Variants in CRB1 observed in about 807,000 individuals in gnomAD.
CRB1 encodes the protein crumbs cell polarity complex component 1, also known as protein crumbs homolog 1.
Under a neutral mutation model 120.0 loss-of-function variants are expected in CRB1, and 83 were observed. That is an observed-to-expected ratio of 0.69 (90% CI 0.58 to 0.83). The LOEUF is 0.83. CRB1 is among the 40% of genes least tolerant of loss of function. CRB1 has a pLI of 0.00. For synonymous variants in CRB1, 625 were observed against 612.5 expected (o/e 1.02, Z -0.30); for missense variants, 1,699 against 1,687.6 (o/e 1.01, Z -0.12).
intron 1 of CRB1, among the ~76,000 whole-genome samples, chr1:197,310,920 C>T (rs1166889613): frequency 6.6e-6 from 1 of 152,082 alleles, no homozygotes; most frequent in African/African-American, 2.4e-5. Context: ...AATATATTCT[C>T]CCATGGAGAT....
At chr1:197,319,432 C>CAAA (rs10646084) in intron 1 of CRB1, among the ~76,000 whole-genome samples, 2,026 of 27,038 alleles carry the variant, frequency 0.075, 518 homozygotes, top group East Asian at 0.3. Context: ...GACTCCATCT[C>CAAA]AAAAAAAAAA....
the CRB1 span, chr1:197,222,413 A>G: frequency 1.3e-6 from 1 of 768,018 alleles, no homozygotes; most frequent in South Asian, 1.3e-5. Context: ...TAGGTGACCT[A>G]TTTCATCGTC....
At chr1:197,318,247 T>A (rs572782443) in intron 1 of CRB1, among the ~76,000 whole-genome samples, 23 of 152,196 alleles carry the variant, frequency 1.5e-4, no homozygotes, top group Admixed American at 4.6e-4. Flanking sequence ...AAAGAAGATG[T>A]TCAACATCAG....
At chr1:197,234,761 A>G in the CRB1 span, among the ~76,000 whole-genome samples, 1 of 152,360 alleles carries the variant, frequency 6.6e-6, no homozygotes, top group Non-Finnish European at 1.5e-5. Context: ...ATAGGCTCCC[A>G]TTCACCAAGC....
chr1:197,277,239 A>G (rs1038813426), intron 1 of CRB1, among the ~76,000 whole-genome samples: 1 of 152,016 alleles, frequency 6.6e-6, no homozygotes, highest in African/African-American at 2.4e-5. Context: ...AATGGCTGAT[A>G]TGTAACCTAG....
At chr1:197,341,417 C>T (rs542267925) in intron 2 of CRB1, among the ~76,000 whole-genome samples, 79 of 152,192 alleles carry the variant, frequency 5.2e-4, no homozygotes, top group Admixed American at 3.3e-3. Context: ...ATGGCATGCG[C>T]CTGTAGTCTC....
intron 11 of CRB1, among the ~76,000 whole-genome samples, chr1:197,473,341 C>T (rs1046922117): frequency 1.3e-5 from 2 of 152,120 alleles, no homozygotes; most frequent in Non-Finnish European, 2.9e-5. Flanking sequence ...CACATTCCAG[C>T]ATACAATAAT....
chr1:197,347,862 C>A (rs1659865689), intron 4 of CRB1, among the ~76,000 whole-genome samples: 1 of 152,032 alleles, frequency 6.6e-6, no homozygotes, highest in Non-Finnish European at 1.5e-5. Context: ...AACTTGTATT[C>A]TCTTAGGCAT....
At chr1:197,397,808 G>A (rs1662846913) in intron 5 of CRB1, among the ~76,000 whole-genome samples, 2 of 152,168 alleles carry the variant, frequency 1.3e-5, no homozygotes, top group African/African-American at 4.8e-5. Context: ...GCTGGAATTA[G>A]GGCATGGTAT....
At chr1:197,309,038 T>C in intron 1 of CRB1, among the ~76,000 whole-genome samples, 1 of 151,594 alleles carries the variant, frequency 6.6e-6, no homozygotes, top group Non-Finnish European at 1.5e-5. Flanking sequence ...CAAACGTGTA[T>C]ATGTATATAT....
chr1:197,442,482 A>T, intron 11 of CRB1, 190 bp downstream of exon 11: 6 of 1,504,428 alleles, frequency 4.0e-6, no homozygotes, highest in Non-Finnish European at 5.3e-6. Context: ...GCCTTGATTC[A>T]TTTTAGATCT....
chr1:197,293,425 A>G (rs563619842), intron 1 of CRB1, among the ~76,000 whole-genome samples: 8 of 152,282 alleles, frequency 5.3e-5, no homozygotes, highest in African/African-American at 1.7e-4. Context: ...ACAAAAACAA[A>G]TGAAAGAACA....
the CRB1 span, among the ~76,000 whole-genome samples, chr1:197,249,656 G>C: frequency 3.3e-5 from 5 of 151,886 alleles, no homozygotes; most frequent in African/African-American, 1.2e-4. Context: ...AGCTTTATGA[G>C]ATTTTCTTGT....
At chr1:197,318,452 A>G (rs906802731) in intron 1 of CRB1, among the ~76,000 whole-genome samples, 4 of 152,240 alleles carry the variant, frequency 2.6e-5, no homozygotes, top group African/African-American at 9.6e-5. Flanking sequence ...AGTTTCCTCA[A>G]AAAATAAAAA....
chr1:197,230,174 C>T, the CRB1 span, among the ~76,000 whole-genome samples: 15 of 152,172 alleles, frequency 9.9e-5, no homozygotes, highest in African/African-American at 3.4e-4. Flanking sequence ...AAGACTTCAA[C>T]TCATGTTTTT....
In CRB1 at chr1:197,295,439, T is replaced by A. The variant is rs148291659; in HGVS notation, c.70+26957T>A. ...ATCCAGCAGGTTAGAGCAATTGAAC[T>A]TGAAGAAGTAACTTGGGGCTTTGTC... On this transcript the variant is annotated intron_variant, in intron 1 of 11. Coordinates refer to ENST00000367400, the MANE Select transcript of CRB1 (RefSeq NM_201253.3). 1.1e-3 allele frequency among the ~76,000 whole-genome samples: 161 copies of A among 152,126 alleles called. 1 individual carries two copies. Among genetic ancestry groups the A allele is most frequent in the African/African-American group, 3.7e-3 (155 of 41,544 alleles).
intron 8 of CRB1, among the ~76,000 whole-genome samples, chr1:197,432,183 T>A (rs1262686620): frequency 6.6e-6 from 1 of 152,164 alleles, no homozygotes; most frequent in Non-Finnish European, 1.5e-5. Context: ...AAGACATGAT[T>A]TCAGTGTGCT....
chr1:197,475,020 C>G (rs544356429), intron 11 of CRB1, among the ~76,000 whole-genome samples: 43 of 152,230 alleles, frequency 2.8e-4, no homozygotes, highest in African/African-American at 9.4e-4. Context: ...CATGGCCACA[C>G]AGTATGGATG....
intron 5 of CRB1, among the ~76,000 whole-genome samples, chr1:197,405,661 G>A (rs1260571162): frequency 6.6e-6 from 1 of 151,410 alleles, no homozygotes; most frequent in African/African-American, 2.4e-5. Context: ...CCCATCGTCT[G>A]AGATGTGGGG....
Sources: gnomAD v4.1 joint callset for allele counts (sites outside exome capture counted in the v4.1 genomes callset) on GRCh38, gnomAD v4.1.1 for gene constraint, MANE v1.5 for transcripts, NCBI Gene and HGNC (gene_info 2026-07-23, HGNC 2026-07-21) for gene names.